The following AHCTF1 variants were observed in gnomAD, a reference collection of about 807,000 sequenced individuals.
AHCTF1 encodes protein ELYS.
AHCTF1 carries 24 observed loss-of-function variants against 248.4 expected under a neutral mutation model. That is an observed-to-expected ratio of 0.10 (90% CI 0.07 to 0.14). AHCTF1 has a LOEUF of 0.14. Ranked by LOEUF, AHCTF1 falls within the 10% of genes least tolerant of loss-of-function variation. AHCTF1 has a pLI of 1.00. For missense variants in AHCTF1, 2,206 were observed against 2,636.2 expected, an observed-to-expected ratio of 0.84 and a Z score of 3.57; for synonymous variants, 786 against 929.8, an observed-to-expected ratio of 0.85 and a Z score of 2.81.
At chr1:246,920,961 G>A (rs1277265503) in intron 1 of AHCTF1, among the ~76,000 whole-genome samples, 5 of 151,244 alleles carry the variant, frequency 3.3e-5, no homozygotes, top group Admixed American at 6.6e-5. Context: ...CCATGGTGGC[G>A]CATGCCTGTA....
chr1:246,907,874 G>A, intron 4 of AHCTF1, 116 bp from the exon 5 acceptor site: 1 of 841,476 alleles, frequency 1.2e-6, no homozygotes, highest in Non-Finnish European at 1.8e-6. Flanking sequence ...GAAGTTAATT[G>A]AAATTAAAAG....
At chr1:246,880,478 C>T (rs535739030) in intron 21 of AHCTF1, among the ~76,000 whole-genome samples, 68 of 150,718 alleles carry the variant, frequency 4.5e-4, no homozygotes, top group African/African-American at 1.6e-3. Context: ...GCAGGAGAAT[C>T]ACTTGAACCC....
chr1:246,867,900 CCCACACACA>C, intron 24 of AHCTF1, 89 bp from the exon 25 acceptor site: 4 of 532,518 alleles, frequency 7.5e-6, no homozygotes, highest in Middle Eastern at 3.7e-4. Flanking sequence ...CACCCCCCCC[CCCACACACA>C]CACACACACA....
chr1:246,923,960 C>A (rs1666756836), intron 1 of AHCTF1, among the ~76,000 whole-genome samples: 1 of 152,180 alleles, frequency 6.6e-6, no homozygotes, highest in African/African-American at 2.4e-5. Context: ...AACTGTGCTG[C>A]TGTTTTGGGA....
chr1:246,853,210 C>T lies in AHCTF1; in HGVS notation c.4444G>A (p.Val1482Ile). 1.9e-6 allele frequency: 3 copies of T among 1,613,760 alleles called. No individual in the cohort carries two copies. Among genetic ancestry groups the T allele is most frequent in the Non-Finnish European group, 2.5e-6 (3 of 1,179,836 alleles). Residue 1482 changes from valine (V) to isoleucine (I), a missense_variant, in exon 32 of 36, where the codon GTA becomes ATA. This residue lies in a region of AHCTF1 where 955 missense variants were observed against 1,055.6 expected (regional missense o/e 0.90). Transcript: ENST00000648844. Reference sequence around the variant, plus strand: ...TGATCTTCTTTTAAGTTCAGCGCTACTTCCTGGTTAAGCCTGCGCTCAGAG... The same window carrying T: ...TGATCTTCTTTTAAGTTCAGCGCTATTTCCTGGTTAAGCCTGCGCTCAGAG... ...IVSERRLNQE[V>I]ALNLKEDHEV...
intron 28 of AHCTF1, 109 bp downstream of exon 28, chr1:246,861,850 A>G (rs1020247033): frequency 5.4e-6 from 5 of 928,578 alleles, no homozygotes; most frequent in Admixed American, 5.7e-5. Context: ...GATTATATAC[A>G]AAAATCTATA....
At position 246,905,669 on chromosome 1, in the gene AHCTF1, T is replaced by C; in HGVS notation, c.765-12A>G. The C allele has an allele frequency of 1.3e-6, 2 of 1,578,924 alleles. No homozygotes were observed. Among genetic ancestry groups the C allele is most frequent in the Non-Finnish European group, 1.7e-6 (2 of 1,148,988 alleles). On this transcript the variant is annotated splice_polypyrimidine_tract_variant and intron_variant, in intron 5 of 35. Transcript: ENST00000648844. ...ATTGTATGTAATATCTGAAACAAAT[T>C]AGTATATTTCATATTTTTAAGTTAT...
chr1:246,855,696 G>T, intron 31 of AHCTF1, 34 bp downstream of exon 31: 2 of 1,512,838 alleles, frequency 1.3e-6, no homozygotes, highest in South Asian at 1.2e-5. Flanking sequence ...ACACAAAAAT[G>T]GAATAATCCT....
At chr1:246,869,169 G>C (rs1475935313) in intron 24 of AHCTF1, among the ~76,000 whole-genome samples, 1 of 152,086 alleles carries the variant, frequency 6.6e-6, no homozygotes, top group East Asian at 1.9e-4. Flanking sequence ...TAAACAAATT[G>C]AAGGTCTGTG....
chr1:246,931,288 C>T, intron 1 of AHCTF1: 1 of 1,547,798 alleles, frequency 6.5e-7, no homozygotes, highest in Non-Finnish European at 8.7e-7. Context: ...ACCCGACTGC[C>T]GGCGCAGGAC....
chr1:246,862,509 C>T (rs1661643783), intron 27 of AHCTF1, among the ~76,000 whole-genome samples: 1 of 151,002 alleles, frequency 6.6e-6, no homozygotes, highest in African/African-American at 2.4e-5. Context: ...TATATAAAAA[C>T]AGATGGGGTC....
intron 1 of AHCTF1, among the ~76,000 whole-genome samples, chr1:246,921,856 G>A (rs1196804344): frequency 6.6e-6 from 1 of 152,170 alleles, no homozygotes; most frequent in East Asian, 1.9e-4. Context: ...AAGGCTTCAG[G>A]TAGAATAGAG....
chr1:246,863,365 A>G (rs1661715956), intron 27 of AHCTF1, among the ~76,000 whole-genome samples: 1 of 151,560 alleles, frequency 6.6e-6, no homozygotes, highest in Admixed American at 6.6e-5. Flanking sequence ...CTAGGGAGAT[A>G]GTATGTTTAA....
chr1:246,864,360 C>T (rs1233107030), intron 26 of AHCTF1: 1 of 373,362 alleles, frequency 2.7e-6, no homozygotes, highest in Non-Finnish European at 4.7e-6. Flanking sequence ...CGTCCTCCTT[C>T]CCTTTACCTA....
rs147755684 is a variant in AHCTF1, at chr1:246,927,331, A to G, written c.-8+4247T>C. On this transcript the variant is annotated intron_variant, in intron 1 of 35. Coordinates refer to ENST00000648844, the MANE Select transcript of AHCTF1 (RefSeq NM_001323342.2). ...TGAAACCCCGTCTCTACTAAAAACA[A>G]GAAATGTAGCAGCCAGCCACGGCTG... 7.9e-5 allele frequency among the ~76,000 whole-genome samples: 12 copies of G among 151,952 alleles called. 1 individual carries two copies. In the East Asian group the frequency reaches 2.1e-3, roughly 27 times the overall value.
At chr1:246,893,315 G>T (rs1664347333) in intron 14 of AHCTF1, among the ~76,000 whole-genome samples, 1 of 152,140 alleles carries the variant, frequency 6.6e-6, no homozygotes. Flanking sequence ...ACTAGAAAGC[G>T]CCATGTCTTC....
intron 24 of AHCTF1, among the ~76,000 whole-genome samples, chr1:246,870,309 G>C (rs1662494679): frequency 6.6e-6 from 1 of 152,114 alleles, no homozygotes. Context: ...TGCAGTCTCA[G>C]CCACTCGGAA....
intron 24 of AHCTF1, among the ~76,000 whole-genome samples, chr1:246,869,193 C>T (rs1662358555): frequency 6.6e-6 from 1 of 152,058 alleles, no homozygotes; most frequent in African/African-American, 2.4e-5. Flanking sequence ...ACCCTGTGTC[C>T]AGCAAGTCTA....
chr1:246,884,935 A>G (rs1663706792), intron 21 of AHCTF1, among the ~76,000 whole-genome samples: 1 of 152,122 alleles, frequency 6.6e-6, no homozygotes, highest in South Asian at 2.1e-4. Flanking sequence ...CAATTTGTCA[A>G]CTCTATCACT....
Sources: allele counts gnomAD v4.1 joint callset (sites outside exome capture counted in the v4.1 genomes callset), GRCh38; gene constraint gnomAD v4.1.1; regional missense constraint gnomAD v4.1.1; transcripts MANE v1.5; gene names NCBI Gene and HGNC (gene_info 2026-07-23, HGNC 2026-07-21).